The following LOXL2 variants were observed in gnomAD, a reference collection of about 807,000 sequenced individuals.
The protein encoded by LOXL2 is lysyl oxidase homolog 2.
LOXL2 carries 70 observed loss-of-function variants against 93.0 expected under a neutral mutation model. That is an observed-to-expected ratio of 0.75 (90% CI 0.62 to 0.92). The LOEUF (loss-of-function observed/expected upper bound fraction) is 0.92. Among genes scored for constraint, LOXL2 ranks in the 40% least tolerant of loss-of-function variants. The probability of loss-of-function intolerance (pLI) is 0.00; values close to 1 mark genes in which losing one functional copy is unlikely to be tolerated. For synonymous variants in LOXL2, 438 were observed against 413.2 expected, an observed-to-expected ratio of 1.06 and a Z score of -0.73; for missense variants, 973 against 1,054.9, an observed-to-expected ratio of 0.92 and a Z score of 1.08.
At chr8:23,392,700 C>T (rs1800027086) in intron 1 of LOXL2, among the ~76,000 whole-genome samples, 1 of 152,184 alleles carries the variant, frequency 6.6e-6, no homozygotes. Flanking sequence ...GTGGTTCCAA[C>T]TGCTTTTACA....
At chr8:23,380,885 C>T (rs919379481) in intron 1 of LOXL2, among the ~76,000 whole-genome samples, 4 of 151,840 alleles carry the variant, frequency 2.6e-5, no homozygotes, top group East Asian at 3.9e-4. Flanking sequence ...TGGTGGCAAG[C>T]GCCTGTAATC....
intron 7 of LOXL2, among the ~76,000 whole-genome samples, chr8:23,321,027 ACT>A (rs1377782882): frequency 1.3e-5 from 2 of 151,722 alleles, no homozygotes; most frequent in African/African-American, 2.4e-5. Flanking sequence ...GACATCTCCC[ACT>A]CTCTTATCTC....
chr8:23,348,744 G>A (rs545397944), intron 3 of LOXL2, among the ~76,000 whole-genome samples: 302 of 152,244 alleles, frequency 2.0e-3, no homozygotes, highest in African/African-American at 7.1e-3. Context: ...GGGCATGGTG[G>A]CGGGCACCTG....
intron 4 of LOXL2, among the ~76,000 whole-genome samples, chr8:23,338,247 C>G (rs1803826857): frequency 6.6e-6 from 1 of 152,184 alleles, no homozygotes. Context: ...TTATGGGAGC[C>G]ACAATTCAAG....
intron 4 of LOXL2, among the ~76,000 whole-genome samples, chr8:23,339,256 A>T (rs77462021): frequency 6.6e-6 from 1 of 152,182 alleles, no homozygotes; most frequent in South Asian, 2.1e-4. Flanking sequence ...CTCTCCAGCT[A>T]GAAGGCTGCA....
intron 3 of LOXL2, among the ~76,000 whole-genome samples, chr8:23,345,151 G>C (rs1269913063): frequency 1.3e-5 from 2 of 152,186 alleles, no homozygotes; most frequent in Admixed American, 1.3e-4. Context: ...GATAAATCTT[G>C]GCAAGCTTTT....
chr8:23,360,347 G>T, intron 2 of LOXL2, 82 bp from the exon 3 acceptor site: 1 of 1,070,072 alleles, frequency 9.3e-7, no homozygotes, highest in Non-Finnish European at 1.3e-6. Context: ...GTCTCACATG[G>T]AAAGAGAATT....
At chr8:23,314,232 T>C (rs1803358536) in intron 9 of LOXL2, among the ~76,000 whole-genome samples, 1 of 149,240 alleles carries the variant, frequency 6.7e-6, no homozygotes, top group African/African-American at 2.4e-5. Flanking sequence ...GAAGTCAGTG[T>C]GGCGATTCCT....
intron 1 of LOXL2, among the ~76,000 whole-genome samples, chr8:23,369,195 C>T (rs1804460018): frequency 1.3e-5 from 2 of 152,306 alleles, no homozygotes; most frequent in African/African-American, 4.8e-5. Flanking sequence ...TTATAATTTT[C>T]CCGTCAGCTT....
intron 3 of LOXL2, among the ~76,000 whole-genome samples, chr8:23,354,949 A>ATATATATATATAT (rs1563200180): frequency 1.3e-5 from 1 of 77,676 alleles, no homozygotes; most frequent in African/African-American, 5.3e-5. Flanking sequence ...ATATATATAT[A>ATATATATATATAT]TTTTTTTTTT....
intron 1 of LOXL2, among the ~76,000 whole-genome samples, chr8:23,379,049 C>T (rs1171316425): frequency 6.6e-6 from 1 of 152,106 alleles, no homozygotes; most frequent in East Asian, 1.9e-4. Context: ...TCTGTTTTTT[C>T]CCCATCTTTG....
chr8:23,378,673 G>T (rs543722605), intron 1 of LOXL2, among the ~76,000 whole-genome samples: 3 of 151,896 alleles, frequency 2.0e-5, no homozygotes, highest in Non-Finnish European at 2.9e-5. Context: ...TTCTCTTCTC[G>T]CTTCATTTCA....
chr8:23,398,582 T>C (rs1800122791), intron 1 of LOXL2, among the ~76,000 whole-genome samples: 1 of 152,230 alleles, frequency 6.6e-6, no homozygotes, highest in South Asian at 2.1e-4. Context: ...GGTAATAGTA[T>C]TTCTGCCACA....
At chr8:23,403,640 C>T (rs1178234654) in intron 1 of LOXL2, among the ~76,000 whole-genome samples, 1 of 152,146 alleles carries the variant, frequency 6.6e-6, no homozygotes, top group Non-Finnish European at 1.5e-5. Context: ...CACACCGAGA[C>T]TTGACGGGCT....
chr8:23,375,670 C>T (rs79634995), intron 1 of LOXL2, among the ~76,000 whole-genome samples: 89,130 of 151,824 alleles, frequency 0.59, 27,088 homozygotes, highest in African/African-American at 0.74. Context: ...ACATCCCTTG[C>T]AAGATGGATT....
chr8:23,330,296 T>C (rs1309962213), intron 5 of LOXL2, among the ~76,000 whole-genome samples: 1 of 152,240 alleles, frequency 6.6e-6, no homozygotes, highest in Non-Finnish European at 1.5e-5. Context: ...ATTGCGCCAC[T>C]GCATTCTGGC....
intron 8 of LOXL2, among the ~76,000 whole-genome samples, 198 bp from the exon 9 acceptor site, chr8:23,317,312 G>GCCA (rs377292868): frequency 2.6e-5 from 4 of 151,836 alleles, no homozygotes; most frequent in Admixed American, 2.6e-4. Context: ...TCTCCTGAGT[G>GCCA]TAGCACTTGG....
At chr8:23,305,516 G>A (rs182987082) in intron 10 of LOXL2, among the ~76,000 whole-genome samples, 132 of 42,512 alleles carry the variant, frequency 3.1e-3, no homozygotes, top group Non-Finnish European at 5.6e-3. Flanking sequence ...CACACCCCCC[G>A]CCCACCAGCA....
rs1020063278 is a variant in LOXL2 at position 23,297,263 on chromosome 8, A to T, written c.*780T>A. On this transcript the variant is annotated 3_prime_UTR_variant, in exon 14 of 14. Coordinates refer to ENST00000389131, the MANE Select transcript of LOXL2 (RefSeq NM_002318.3). ...CATGGTGCTCAGTGAGCGCCCTGTC[A>T]CCCAGGACCCTGGTTATAGCACCGT... is the stretch of plus-strand genomic sequence containing the variant. The T allele has an allele frequency of 6.6e-6, 1 of 152,210 alleles. No homozygotes were observed. Among genetic ancestry groups the T allele is most frequent in the Non-Finnish European group, 1.5e-5 (1 of 68,048 alleles). The allele number at this position is 152,210 out of a possible 1,614,324, so 9.4% of individuals were successfully genotyped here. A position where few individuals can be genotyped will look rare whatever the true frequency, so the allele number is the denominator to read the frequency against.
Sources: gnomAD v4.1 joint callset for allele counts (sites outside exome capture counted in the v4.1 genomes callset) on GRCh38, gnomAD v4.1.1 for gene constraint, MANE v1.5 for transcripts, NCBI Gene and HGNC (gene_info 2026-07-23, HGNC 2026-07-21) for gene names.